The following RNF121 variants were observed in gnomAD, a reference collection of about 807,000 sequenced individuals.
RNF121 encodes the protein E3 ubiquitin ligase RNF121.
RNF121 carries 21 observed loss-of-function variants against 46.5 expected under a neutral mutation model. The ratio of observed to expected loss-of-function variants is 0.45; its 90% CI spans 0.32 to 0.65. The LOEUF is 0.65. RNF121 is among the 30% of genes least tolerant of loss of function. RNF121 has a pLI of 0.04. For missense variants in RNF121, 346 were observed against 416.0 expected, an observed-to-expected ratio of 0.83 and a Z score of 1.46; for synonymous variants, 139 against 144.7, an observed-to-expected ratio of 0.96 and a Z score of 0.28.
intron 1 of RNF121, among the ~76,000 whole-genome samples, chr11:71,937,748 A>G (rs891129803): frequency 2.0e-5 from 3 of 152,090 alleles, no homozygotes; most frequent in South Asian, 2.1e-4. Flanking sequence ...TGGCACAAAC[A>G]CTGCCAGAGA....
At chr11:71,949,718 C>T (rs1041812375) in intron 1 of RNF121, among the ~76,000 whole-genome samples, 23 of 151,338 alleles carry the variant, frequency 1.5e-4, no homozygotes, top group African/African-American at 5.3e-4. Context: ...TGCACACGGC[C>T]GGGCACGGTG....
intron 3 of RNF121, among the ~76,000 whole-genome samples, chr11:71,981,896 C>T (rs149343344): frequency 1.8e-3 from 272 of 152,206 alleles, no homozygotes; most frequent in Middle Eastern, 0.01. Flanking sequence ...CAAGCCCAGC[C>T]GCATACTCTA....
chr11:71,943,568 G>T (rs915904125), intron 1 of RNF121, among the ~76,000 whole-genome samples: 1 of 152,190 alleles, frequency 6.6e-6, no homozygotes, highest in African/African-American at 2.4e-5. Context: ...ATTTACCAAG[G>T]TACTGCATTA....
intron 6 of RNF121, 68 bp from the exon 7 acceptor site, chr11:71,994,651 G>C: frequency 6.2e-7 from 1 of 1,600,518 alleles, no homozygotes; most frequent in African/African-American, 1.3e-5. Context: ...TGAGGTCTCT[G>C]TGGAGCTTCC....
At chr11:71,945,655 A>G (rs796277505) in intron 1 of RNF121, among the ~76,000 whole-genome samples, 9 of 152,334 alleles carry the variant, frequency 5.9e-5, no homozygotes, top group African/African-American at 1.9e-4. Context: ...TCTCTGAAAT[A>G]CAAAGAAGAA....
intron 4 of RNF121, 103 bp downstream of exon 4, chr11:71,983,018 C>A: frequency 8.3e-7 from 1 of 1,201,390 alleles, no homozygotes; most frequent in Non-Finnish European, 1.1e-6. Context: ...CTGGTTTTGT[C>A]TGCCAAAATT....
chr11:71,960,936 A>G (rs1954116589), intron 3 of RNF121, 45 bp downstream of exon 3: 4 of 1,600,536 alleles, frequency 2.5e-6, no homozygotes, highest in Non-Finnish European at 3.4e-6. Context: ...AGTCATCAAG[A>G]GACCCTTCCT....
chr11:71,953,420 A>G lies in RNF121; in HGVS notation c.64-3807A>G, dbSNP rs531065179. The stretch of plus-strand genomic sequence containing the variant: ...GTTAAATAAAGAGTCAAGTGTACAG[A>G]TGCGTATGGCTGTAGATGCAATTTG... On this transcript the variant is annotated intron_variant, in intron 1 of 8. Transcript: ENST00000361756. Among the ~76,000 whole-genome samples, 32 of 152,366 alleles carry G rather than the reference A, an allele frequency of 2.1e-4. No homozygotes were observed. The East Asian group carries it at 6.0e-3, about 28-fold the overall frequency.
At chr11:71,960,011 T>C (rs1954092910) in intron 2 of RNF121, among the ~76,000 whole-genome samples, 1 of 152,200 alleles carries the variant, frequency 6.6e-6, no homozygotes, top group Non-Finnish European at 1.5e-5. Context: ...TTAGAACAAG[T>C]TTTTAGCCAG....
At position 71,984,039 on chromosome 11, in the gene RNF121, G is replaced by A. The variant is rs992126764; in HGVS notation, c.398+1124G>A. ...ACAGGATGTGGAGCCAGATGAATGTGGATTGGGACCCCTAGCCCTGCCACT... is the reference window on the plus strand; with the variant it reads ...ACAGGATGTGGAGCCAGATGAATGTAGATTGGGACCCCTAGCCCTGCCACT... On this transcript the variant is annotated intron_variant, in intron 4 of 8. Coordinates refer to ENST00000361756, the MANE Select transcript of RNF121 (RefSeq NM_018320.5). Among the ~76,000 whole-genome samples, 2 of 152,180 alleles carry A rather than the reference G, an allele frequency of 1.3e-5. 1 individual carries two copies. The highest frequency in any genetic ancestry group is 2.9e-5 in the Non-Finnish European group (2 of 68,034).
chr11:71,937,362 C>T (rs2134147612), intron 1 of RNF121, among the ~76,000 whole-genome samples: 1 of 152,036 alleles, frequency 6.6e-6, no homozygotes, highest in Middle Eastern at 3.4e-3. Flanking sequence ...CTCTGTTTGC[C>T]CAGGCTGGAG....
chr11:71,988,788 C>T (rs931932984), intron 5 of RNF121, among the ~76,000 whole-genome samples: 1 of 152,024 alleles, frequency 6.6e-6, no homozygotes, highest in Admixed American at 6.5e-5. Context: ...TGCCACTGCA[C>T]TCCAGCTCAG....
At chr11:71,990,065 C>G (rs1386995036) in intron 5 of RNF121, among the ~76,000 whole-genome samples, 1 of 152,216 alleles carries the variant, frequency 6.6e-6, no homozygotes, top group African/African-American at 2.4e-5. Flanking sequence ...TTGTCATAAG[C>G]TGAGACAATC....
In RNF121 at chr11:71,942,750, C is replaced by CA. The variant is rs1292029752; in HGVS notation, c.63+13636dup. ...CTGCACTCCAGCGAGACTCTGTCTC[C>CA]AAAAAAAAAATCTATATATCTGTAT... On this transcript the variant is annotated intron_variant, in intron 1 of 8. Transcript: ENST00000361756. Among the ~76,000 whole-genome samples, 429 of 128,746 alleles carry CA rather than the reference C, an allele frequency of 3.3e-3. 2 individuals carry two copies. Among genetic ancestry groups the CA allele is most frequent in the African/African-American group, 0.011 (387 of 34,858 alleles). The allele number at this position is 128,746 out of a possible 152,430, so 84.5% of individuals were successfully genotyped here. A position where few individuals can be genotyped will look rare whatever the true frequency, so the allele number is the denominator to read the frequency against.
intron 1 of RNF121, among the ~76,000 whole-genome samples, chr11:71,931,127 G>A (rs902950238): frequency 2.6e-5 from 4 of 152,118 alleles, no homozygotes; most frequent in Admixed American, 2.0e-4. Context: ...GAGTCACCGC[G>A]CCCGGCTAAG....
At chr11:71,986,039 C>T (rs1954765614) in intron 4 of RNF121, among the ~76,000 whole-genome samples, 2 of 152,158 alleles carry the variant, frequency 1.3e-5, no homozygotes, top group Non-Finnish European at 2.9e-5. Flanking sequence ...TCATTGGCTC[C>T]TGGGGCACAC....
intron 3 of RNF121, among the ~76,000 whole-genome samples, chr11:71,972,894 A>T (rs1467479090): frequency 6.6e-6 from 1 of 152,084 alleles, no homozygotes; most frequent in South Asian, 2.1e-4. Context: ...TAAGAGAAAC[A>T]TAGGCTGGGC....
chr11:71,944,603 G>T (rs912260524), intron 1 of RNF121, among the ~76,000 whole-genome samples: 1 of 152,226 alleles, frequency 6.6e-6, no homozygotes, highest in South Asian at 2.1e-4. Context: ...TCATGGCCTT[G>T]TGTGGTCCCA....
intron 1 of RNF121, among the ~76,000 whole-genome samples, chr11:71,940,088 T>C (rs1472516485): frequency 1.3e-5 from 2 of 152,188 alleles, no homozygotes; most frequent in Non-Finnish European, 2.9e-5. Flanking sequence ...TAGGCCAAGG[T>C]AAAAGCATAT....
Sources: allele counts gnomAD v4.1 joint callset (sites outside exome capture counted in the v4.1 genomes callset), GRCh38; gene constraint gnomAD v4.1.1; transcripts MANE v1.5; gene names NCBI Gene and HGNC (gene_info 2026-07-23, HGNC 2026-07-21).